SUCLG2: variants seen among roughly 807,000 people sequenced by gnomAD.
SUCLG2 encodes succinate--CoA ligase [GDP-forming] subunit beta, mitochondrial.
Under a neutral mutation model 47.9 loss-of-function variants are expected in SUCLG2, and 42 were observed. The ratio of observed to expected loss-of-function variants is 0.88; its 90% CI spans 0.69 to 1.14. The LOEUF (loss-of-function observed/expected upper bound fraction) is 1.14. Among genes scored for constraint, SUCLG2 ranks in the 50% most tolerant of loss-of-function variants. The pLI is 0.00. For synonymous variants in SUCLG2, 195 were observed against 197.3 expected (o/e 0.99, Z 0.10); for missense variants, 571 against 525.9 (o/e 1.09, Z -0.84).
intron 1 of SUCLG2, 66 bp from the exon 2 acceptor site, chr3:67,609,662 C>T (rs749410001): frequency 9.8e-6 from 15 of 1,528,878 alleles, no homozygotes; most frequent in Non-Finnish European, 1.3e-5. Flanking sequence ...AGTCAACCTA[C>T]ATGGCCAGTC....
In SUCLG2 at chr3:67,529,094, T is replaced by C. The variant is rs1296177299; in HGVS notation, c.319A>G (p.Thr107Ala). The C allele has an allele frequency of 1.2e-6, 2 of 1,610,698 alleles. No homozygotes were observed. Among genetic ancestry groups the C allele is most frequent in the African/African-American group, 2.7e-5 (2 of 74,750 alleles). Residue 107 changes from threonine to alanine, a missense_variant, in exon 3 of 11, where the codon ACA (threonine) becomes GCA (alanine). By Grantham distance (58) the Thr-to-Ala change is moderately conservative (BLOSUM62 0). Transcript: ENST00000307227. ...AACAACCTCCAGACTTACTCTTTTG[T>C]TAAATGAACACCTCCTTTCAAACCA... is the stretch of plus-strand genomic sequence containing the variant. ...NSGLKGGVHL[T>A]KDPNVVGQLA...
chr3:67,555,993 T>C (rs1464389565), intron 2 of SUCLG2, among the ~76,000 whole-genome samples: 5 of 152,338 alleles, frequency 3.3e-5, no homozygotes, highest in East Asian at 1.9e-4. Context: ...ATCATTTCTA[T>C]GGCATTTTCC....
intron 2 of SUCLG2, among the ~76,000 whole-genome samples, chr3:67,543,571 G>A (rs1001027159): frequency 6.6e-6 from 1 of 152,086 alleles, no homozygotes; most frequent in African/African-American, 2.4e-5. Flanking sequence ...AGGCTGAGGT[G>A]GGAGGATCCC....
chr3:67,568,227 A>G (rs985922536), intron 2 of SUCLG2, among the ~76,000 whole-genome samples: 14 of 152,244 alleles, frequency 9.2e-5, no homozygotes, highest in Admixed American at 4.6e-4. Context: ...AGAATCCAAA[A>G]TGATCCATCA....
chr3:67,634,690 T>A (rs1325707419), intron 1 of SUCLG2, among the ~76,000 whole-genome samples: 1 of 152,174 alleles, frequency 6.6e-6, no homozygotes, highest in African/African-American at 2.4e-5. Context: ...ATCTTTGGGC[T>A]CTCATTAGTA....
chr3:67,585,778 C>A (rs1411498069), intron 2 of SUCLG2, among the ~76,000 whole-genome samples: 1 of 151,926 alleles, frequency 6.6e-6, no homozygotes, highest in Non-Finnish European at 1.5e-5. Context: ...GCCTGGCTGA[C>A]ATGGCAAAAC....
At chr3:67,409,093 T>G in intron 9 of SUCLG2, 1 of 747,604 alleles carries the variant, frequency 1.3e-6, no homozygotes, top group Non-Finnish European at 1.9e-6. Flanking sequence ...CCAATGGGTT[T>G]TAGTTCTTTA....
intron 9 of SUCLG2, among the ~76,000 whole-genome samples, chr3:67,489,584 G>T (rs1705153892): frequency 6.6e-6 from 1 of 152,184 alleles, no homozygotes; most frequent in East Asian, 1.9e-4. Flanking sequence ...ATGCAGGGTA[G>T]TCATTTCAAA....
intron 9 of SUCLG2, among the ~76,000 whole-genome samples, chr3:67,425,104 T>C (rs773318538): frequency 2.6e-5 from 4 of 152,328 alleles, no homozygotes; most frequent in Admixed American, 6.5e-5. Context: ...TTCAATGTCA[T>C]ATAAGATTAC....
intron 2 of SUCLG2, among the ~76,000 whole-genome samples, chr3:67,543,010 A>C (rs1706759330): frequency 6.6e-6 from 1 of 152,230 alleles, no homozygotes; most frequent in Admixed American, 6.5e-5. Flanking sequence ...AATCAACAGA[A>C]TATACATTCT....
intron 2 of SUCLG2, among the ~76,000 whole-genome samples, chr3:67,579,446 C>G (rs1707827132): frequency 6.6e-6 from 1 of 152,200 alleles, no homozygotes; most frequent in Non-Finnish European, 1.5e-5. Flanking sequence ...CCCTTCAGAA[C>G]TACAAGTTTT....
At chr3:67,390,132 A>G (rs1369996025) in intron 10 of SUCLG2, among the ~76,000 whole-genome samples, 1 of 152,232 alleles carries the variant, frequency 6.6e-6, no homozygotes, top group Non-Finnish European at 1.5e-5. Flanking sequence ...TGAGATTTTC[A>G]GTGATCCAGA....
At chr3:67,485,160 T>C (rs1206928054) in intron 9 of SUCLG2, among the ~76,000 whole-genome samples, 1 of 152,204 alleles carries the variant, frequency 6.6e-6, no homozygotes, top group Non-Finnish European at 1.5e-5. Flanking sequence ...CAAATATTAA[T>C]AAATGACTTG....
downstream of SUCLG2, among the ~76,000 whole-genome samples, chr3:67,372,543 G>A (rs1229056977): frequency 6.6e-6 from 1 of 152,168 alleles, no homozygotes. Context: ...TTATTCCAAT[G>A]CACCTGTGAG....
chr3:67,524,529 A>G (rs1295987223), intron 4 of SUCLG2, among the ~76,000 whole-genome samples: 2 of 152,232 alleles, frequency 1.3e-5, no homozygotes, highest in Non-Finnish European at 2.9e-5. Context: ...TACTAGCCCC[A>G]GGAATACATA....
Position 67,416,926 on chromosome 3 carries a change from G to A in SUCLG2, c.1063-16075C>T, listed in dbSNP as rs192473089. 2.1e-3 allele frequency among the ~76,000 whole-genome samples: 317 copies of A among 152,094 alleles called. 2 individuals are homozygous for A. The highest frequency in any genetic ancestry group is 3.5e-3 in the Non-Finnish European group (238 of 67,994). On this transcript the variant is annotated intron_variant, in intron 9 of 10. Coordinates refer to ENST00000307227, the MANE Select transcript of SUCLG2 (RefSeq NM_003848.4). ...TATCCACTAGAGGCCAGTGTACTTC[G>A]GCATGGAGAAGGAATTTATAACCAA... is the stretch of plus-strand genomic sequence containing the variant.
intron 2 of SUCLG2, among the ~76,000 whole-genome samples, chr3:67,554,224 G>T (rs1707097020): frequency 6.6e-6 from 1 of 152,174 alleles, no homozygotes; most frequent in South Asian, 2.1e-4. Context: ...GCTACTACAT[G>T]TTTTTACCAA....
chr3:67,474,807 TTC>T (rs1429892254), intron 9 of SUCLG2, among the ~76,000 whole-genome samples: 1 of 152,164 alleles, frequency 6.6e-6, no homozygotes, highest in African/African-American at 2.4e-5. Context: ...CTCCAGAGAT[TTC>T]TCTTAGGGAA....
chr3:67,524,724 C>CAT (rs912881030), intron 4 of SUCLG2, among the ~76,000 whole-genome samples: 23 of 152,036 alleles, frequency 1.5e-4, no homozygotes, highest in African/African-American at 4.8e-4. Context: ...AAGCCTTGGA[C>CAT]ATATATATAC....
Sources: gnomAD v4.1 joint callset for allele counts (sites outside exome capture counted in the v4.1 genomes callset) on GRCh38, gnomAD v4.1.1 for gene constraint, MANE v1.5 for transcripts, NCBI Gene and HGNC (gene_info 2026-07-23, HGNC 2026-07-21) for gene names.